SCCPDH: variants seen among roughly 807,000 people sequenced by gnomAD.
SCCPDH encodes the protein saccharopine dehydrogenase (putative).
Under a neutral mutation model 51.5 loss-of-function variants are expected in SCCPDH, and 34 were observed. The observed-to-expected ratio is 0.66, with a 90% CI of 0.50 to 0.88. The LOEUF (loss-of-function observed/expected upper bound fraction) is 0.88. Ranked by LOEUF, SCCPDH falls within the 40% of genes least tolerant of loss-of-function variation. The pLI is 0.00. For missense variants in SCCPDH, 464 were observed against 527.1 expected, an observed-to-expected ratio of 0.88 and a Z score of 1.17; for synonymous variants, 187 against 191.3, an observed-to-expected ratio of 0.98 and a Z score of 0.19.
chr1:246,724,558 G>A lies in SCCPDH; in HGVS notation c.136G>A (p.Gly46Ser). The A allele has an allele frequency of 1.3e-6, 2 of 1,538,086 alleles. No homozygotes were observed. The highest frequency in any genetic ancestry group is 8.7e-7 in the Non-Finnish European group (1 of 1,144,924). The change falls in exon 1 of 12, where the codon GGC becomes AGC. Residue 46 changes from glycine to serine, a missense_variant. Gly to Ser is a moderately conservative substitution (Grantham distance 56). Transcript: ENST00000366510. Reference protein sequence around the residue: ...RSSRLPWAVAGRSREKLQRVL... With the variant: ...RSSRLPWAVASRSREKLQRVL... ...CTCCCGCCTGCCCTGGGCCGTGGCG[G>A]GCCGCTCCCGGGAGAAGCTGCAGCG...
chr1:246,743,019 T>G (rs1668702667), intron 4 of SCCPDH, among the ~76,000 whole-genome samples: 1 of 152,190 alleles, frequency 6.6e-6, no homozygotes, highest in Non-Finnish European at 1.5e-5. Context: ...TTTTGATAGT[T>G]TTTGTGTACA....
intron 5 of SCCPDH, among the ~76,000 whole-genome samples, chr1:246,745,083 C>T (rs1035643262): frequency 1.3e-5 from 2 of 152,166 alleles, no homozygotes; most frequent in Admixed American, 6.5e-5. Context: ...TTTTATCATG[C>T]GCCTAACTTA....
At chr1:246,742,115 G>A (rs984319045) in intron 4 of SCCPDH, among the ~76,000 whole-genome samples, 1 of 152,208 alleles carries the variant, frequency 6.6e-6, no homozygotes, top group African/African-American at 2.4e-5. Flanking sequence ...GAAGGCAGTA[G>A]CTGTATCATA....
intron 5 of SCCPDH, among the ~76,000 whole-genome samples, chr1:246,753,505 A>G (rs1030174875): frequency 1.4e-4 from 21 of 152,210 alleles, no homozygotes; most frequent in African/African-American, 5.1e-4. Flanking sequence ...CCCTTGCTGT[A>G]CATAAAATGT....
intron 6 of SCCPDH, 38 bp downstream of exon 6, chr1:246,758,394 C>T: frequency 6.7e-7 from 1 of 1,497,048 alleles, no homozygotes; most frequent in Non-Finnish European, 9.1e-7. Context: ...TATATCTAGT[C>T]TAAGTATATT....
intron 10 of SCCPDH, among the ~76,000 whole-genome samples, chr1:246,764,902 GAGAC>G (rs1351274952): frequency 6.6e-6 from 1 of 152,122 alleles, no homozygotes; most frequent in African/African-American, 2.4e-5. Context: ...ATTACTGTCA[GAGAC>G]AGACAGGTCC....
At chr1:246,727,034 A>G (rs1407058834) in intron 2 of SCCPDH, 30 bp downstream of exon 2, 2 of 1,428,470 alleles carry the variant, frequency 1.4e-6, no homozygotes, top group East Asian at 2.3e-5. Flanking sequence ...TTGTATCAGA[A>G]CAAACAATCC....
At position 246,758,340 on chromosome 1, in the gene SCCPDH, C is replaced by A; in HGVS notation, c.679C>A (p.Pro227Thr). 6.2e-7 allele frequency: 1 copy of A among 1,601,200 alleles called. No individual in the cohort carries two copies. The highest frequency in any genetic ancestry group is 1.7e-5 in the Admixed American group (1 of 57,756). The part of the protein sequence containing the change: ...SNLKPVPLIG[P>T]KLKRRWPISY... ...TCTGAAACCTGTCCCGCTCATTGGT[C>A]CAAAATTGAAGAGAAGGTAAATTAA... The change falls in exon 6 of 12, where the codon CCA becomes ACA. Residue 227 changes from proline (P) to threonine (T), a missense_variant. Pro to Thr is a conservative substitution (Grantham distance 38). Coordinates refer to ENST00000366510, the MANE Select transcript of SCCPDH (RefSeq NM_016002.3).
chr1:246,729,371 A>G (rs1057240872), intron 2 of SCCPDH, among the ~76,000 whole-genome samples: 5 of 90,464 alleles, frequency 5.5e-5, no homozygotes, highest in East Asian at 3.7e-4. Context: ...CTTCAACTGC[A>G]TAAGACAGAC....
intron 1 of SCCPDH, among the ~76,000 whole-genome samples, chr1:246,726,652 G>A (rs1223635271): frequency 2.6e-5 from 4 of 152,104 alleles, no homozygotes; most frequent in South Asian, 2.1e-4. Flanking sequence ...GCTTTGATTC[G>A]ATTTTTTTTA....
intron 2 of SCCPDH, 117 bp downstream of exon 2, chr1:246,727,121 A>G: frequency 1.3e-6 from 1 of 780,998 alleles, no homozygotes; most frequent in Non-Finnish European, 2.1e-6. Context: ...TTAACCCCAT[A>G]TGGGGAGTTT....
intron 5 of SCCPDH, among the ~76,000 whole-genome samples, chr1:246,757,082 G>A (rs550721351): frequency 2.0e-5 from 3 of 152,314 alleles, no homozygotes; most frequent in African/African-American, 7.2e-5. Context: ...GGTGGCTCAT[G>A]CCTGCAATCC....
intron 3 of SCCPDH, among the ~76,000 whole-genome samples, chr1:246,738,737 C>T (rs536957420): frequency 5.7e-4 from 87 of 152,172 alleles, no homozygotes; most frequent in Middle Eastern, 3.4e-3. Context: ...GCTGTAAACC[C>T]AGCTACTCGG....
At chr1:246,746,020 G>A (rs1049971546) in intron 5 of SCCPDH, among the ~76,000 whole-genome samples, 29 of 150,862 alleles carry the variant, frequency 1.9e-4, no homozygotes, top group Middle Eastern at 6.8e-3. Context: ...AGGCAGGAGA[G>A]TGGCGTGAAC....
chr1:246,748,562 C>T (rs968650413), intron 5 of SCCPDH, among the ~76,000 whole-genome samples: 1 of 152,126 alleles, frequency 6.6e-6, no homozygotes, highest in African/African-American at 2.4e-5. Flanking sequence ...TGACAGTATC[C>T]CTGGTGTAAT....
At chr1:246,761,964 C>G (rs1468436403) in intron 9 of SCCPDH, among the ~76,000 whole-genome samples, 1 of 152,244 alleles carries the variant, frequency 6.6e-6, no homozygotes, top group Non-Finnish European at 1.5e-5. Context: ...TGAGGAACCA[C>G]TAAACTGTTC....
intron 5 of SCCPDH, among the ~76,000 whole-genome samples, chr1:246,749,264 CAG>C (rs1441123449): frequency 1.3e-5 from 2 of 152,214 alleles, no homozygotes; most frequent in African/African-American, 4.8e-5. Context: ...AGCGTGCAAA[CAG>C]AATATTTTAT....
At chr1:246,757,947 A>G (rs1668956886) in intron 5 of SCCPDH, among the ~76,000 whole-genome samples, 1 of 152,110 alleles carries the variant, frequency 6.6e-6, no homozygotes, top group African/African-American at 2.4e-5. Context: ...TAGTTGAGTA[A>G]AATTGATGAA....
At chr1:246,758,122 C>T in intron 5 of SCCPDH, 104 bp from the exon 6 acceptor site, 1 of 886,928 alleles carries the variant, frequency 1.1e-6, no homozygotes, top group Non-Finnish European at 1.7e-6. Flanking sequence ...TATGTCTTGT[C>T]CAAATATAAG....
Sources: gnomAD v4.1 joint callset for allele counts (sites outside exome capture counted in the v4.1 genomes callset) on GRCh38, gnomAD v4.1.1 for gene constraint, MANE v1.5 for transcripts, NCBI Gene and HGNC (gene_info 2026-07-23, HGNC 2026-07-21) for gene names.